NPL: variants seen among roughly 807,000 people sequenced by gnomAD.
NPL encodes the protein N-acetylneuraminate pyruvate lyase, also known as N-acetylneuraminate lyase.
A neutral mutation model predicts 41.1 loss-of-function variants in NPL; 32 were observed. The ratio of observed to expected loss-of-function variants is 0.78; its 90% CI spans 0.59 to 1.05. The LOEUF is 1.05. Ranked by LOEUF, NPL falls within the 50% of genes least tolerant of loss-of-function variation. The pLI, the probability that NPL is intolerant of heterozygous loss-of-function variation, is 0.00. For synonymous variants in NPL, 128 were observed against 134.9 expected, an observed-to-expected ratio of 0.95 and a Z score of 0.35; for missense variants, 321 against 378.4, an observed-to-expected ratio of 0.85 and a Z score of 1.26.
intron 6 of NPL, among the ~76,000 whole-genome samples, chr1:182,813,035 C>T (rs1374074331): frequency 6.6e-6 from 1 of 151,736 alleles, no homozygotes; most frequent in Non-Finnish European, 1.5e-5. Context: ...CGCCTATAAT[C>T]CCAGCTACTC....
chr1:182,793,538 A>C (rs755931402), intron 2 of NPL, among the ~76,000 whole-genome samples: 1 of 152,216 alleles, frequency 6.6e-6, no homozygotes, highest in Non-Finnish European at 1.5e-5. Flanking sequence ...CAGAGAGCAA[A>C]GGCAAATGAA....
At chr1:182,804,654 C>T (rs966206351) in intron 4 of NPL, among the ~76,000 whole-genome samples, 2 of 152,190 alleles carry the variant, frequency 1.3e-5, no homozygotes, top group African/African-American at 2.4e-5. Flanking sequence ...TCTGGGCTCT[C>T]GGACCCTTGG....
chr1:182,814,723 A>G, intron 6 of NPL, 60 bp from the exon 7 acceptor site: 1 of 1,339,572 alleles, frequency 7.5e-7, no homozygotes, highest in Non-Finnish European at 1.1e-6. Context: ...TTAGTATCTA[A>G]GCTATAGGTG....
In NPL at chr1:182,818,817, T is replaced by C. The variant is rs151106084; in HGVS notation, c.611T>C (p.Leu204Pro). ...ATATTTTTTGTTTCTGATTAGCAAC[T>C]GTTGAGTGCTCTGGTGATGGGAGCA... ...FAFLFGVDEQ[L>P]LSALVMGATG... is the part of the protein sequence containing the mutation. The change falls in exon 10 of 13, where the codon CTG (leucine) becomes CCG (proline). Residue 204 changes from leucine (L) to proline (P), a missense_variant. Coordinates refer to ENST00000367553, the MANE Select transcript of NPL (RefSeq NM_030769.3). 4 of 1,614,090 alleles carry C rather than the reference T, an allele frequency of 2.5e-6. No individual in the cohort carries two copies. In the Admixed American group the frequency reaches 5.0e-5, roughly 20 times the overall value.
At chr1:182,819,470 G>A (rs1031597328) in intron 10 of NPL, among the ~76,000 whole-genome samples, 4 of 151,776 alleles carry the variant, frequency 2.6e-5, no homozygotes, top group Admixed American at 1.3e-4. Context: ...AATTAGCCAG[G>A]CGTGGTGGCA....
intron 3 of NPL, 59 bp downstream of exon 3, chr1:182,794,498 G>A (rs1438347537): frequency 3.2e-6 from 5 of 1,538,504 alleles, no homozygotes; most frequent in Non-Finnish European, 4.5e-6. Context: ...AAGGAGAGAA[G>A]TTCTTTGTAA....
At chr1:182,815,967 A>G (rs907875627) in intron 7 of NPL, among the ~76,000 whole-genome samples, 5 of 152,278 alleles carry the variant, frequency 3.3e-5, no homozygotes, top group Admixed American at 3.3e-4. Flanking sequence ...CCTAAAAGGA[A>G]AAATAATGAA....
chr1:182,805,249 G>T (rs1666971811), intron 4 of NPL, among the ~76,000 whole-genome samples: 1 of 151,620 alleles, frequency 6.6e-6, no homozygotes, highest in South Asian at 2.1e-4. Context: ...GCCCAACATG[G>T]CAAAACCCCA....
rs975249405 is a variant in NPL, at chr1:182,792,277, C to T, written c.-26C>T. 1 of 152,220 alleles carries T rather than the reference C, an allele frequency of 6.6e-6. No individual in the cohort carries two copies. Among genetic ancestry groups the T allele is most frequent in the Non-Finnish European group, 1.5e-5 (1 of 68,060 alleles). The allele number at this position is 152,220 out of a possible 1,614,324, so 9.4% of individuals were successfully genotyped here. On this transcript the variant is annotated 5_prime_UTR_variant, in exon 2 of 13. Transcript: ENST00000367553. ...AGAGGTTACTTAATGGGCTCAAGGTCACCTACCTGGTAAGTGGTGGAGCCA... is the reference window on the plus strand; with the variant it reads ...AGAGGTTACTTAATGGGCTCAAGGTTACCTACCTGGTAAGTGGTGGAGCCA...
Position 182,794,384 on chromosome 1 carries a change from A to G in NPL, c.13A>G (p.Lys5Glu), listed in dbSNP as rs375243632. The G allele has an allele frequency of 2.0e-5, 32 of 1,614,082 alleles. No individual in the cohort carries two copies. The highest frequency in any genetic ancestry group is 5.0e-5 in the Admixed American group (3 of 60,004). Reference sequence around the variant, plus strand: ...TACCAGCAGCTCAATGGCCTTCCCAAAGAAGAAACTTCAGGGTCTTGTGGC... The same window carrying G: ...TACCAGCAGCTCAATGGCCTTCCCAGAGAAGAAACTTCAGGGTCTTGTGGC... MAFP[K>E]KKLQGLVAAT... The change falls in exon 3 of 13, where the codon AAG becomes GAG. Residue 5 changes from lysine to glutamate, a missense_variant. By Grantham distance (56) the Lys-to-Glu change is moderately conservative. Transcript: ENST00000367553.
At chr1:182,809,539 TA>T (rs35178861) in intron 5 of NPL, among the ~76,000 whole-genome samples, 2,305 of 125,450 alleles carry the variant, frequency 0.018, 33 homozygotes, top group African/African-American at 0.04. Flanking sequence ...GACTCCATCT[TA>T]AAAAAAAAAA....
At chr1:182,815,943 A>G (rs920665794) in intron 7 of NPL, among the ~76,000 whole-genome samples, 1 of 152,240 alleles carries the variant, frequency 6.6e-6, no homozygotes, top group African/African-American at 2.4e-5. Flanking sequence ...ACAAATTTTT[A>G]CGTGAATATG....
Position 182,822,129 on chromosome 1 carries a change from T to G in NPL, c.668T>G (p.Leu223Arg), listed in dbSNP as rs765709899. 16 of 1,612,292 alleles carry G rather than the reference T, an allele frequency of 9.9e-6. 1 individual carries two copies. In the South Asian group the frequency reaches 1.8e-4, roughly 18 times the overall value. Residue 223 changes from leucine to arginine, a missense_variant, in exon 11 of 13, where the codon CTG becomes CGG. By Grantham distance (102) the Leu-to-Arg change is moderately radical (BLOSUM62 -2). Coordinates refer to ENST00000367553, the MANE Select transcript of NPL (RefSeq NM_030769.3). The part of the protein sequence containing the change: ...TGAVGSTYNY[L>R]GKKTNQMLEA... Reference sequence around the variant, plus strand: ...TGTCTTGCCAGTACCTATAACTACCTGGGAAAAAAGACAAACCAGATGTTG... The same window carrying G: ...TGTCTTGCCAGTACCTATAACTACCGGGGAAAAAAGACAAACCAGATGTTG...
intron 7 of NPL, 121 bp downstream of exon 7, chr1:182,814,979 A>C (rs984291505): frequency 5.2e-6 from 4 of 766,994 alleles, no homozygotes; most frequent in African/African-American, 3.4e-5. Flanking sequence ...TTGAAGTCGC[A>C]ATGGTACAGT....
At position 182,822,179 on chromosome 1, in the gene NPL, T is replaced by C; in HGVS notation, c.718T>C (p.Ser240Pro). ...GGAGGCTTTTGAACAAAAGGACTTC[T>C]CTTTAGCCCTGAACTATCAGGTAAA... is the stretch of plus-strand genomic sequence containing the variant. ...MLEAFEQKDFSLALNYQFCIQ... is the reference protein window; with the variant it reads ...MLEAFEQKDFPLALNYQFCIQ... Residue 240 changes from serine (S) to proline (P), a missense_variant, in exon 11 of 13, where the codon TCT becomes CCT. By Grantham distance (74) the Ser-to-Pro change is moderately conservative. Coordinates refer to ENST00000367553, the MANE Select transcript of NPL (RefSeq NM_030769.3). The C allele has an allele frequency of 8.7e-6, 14 of 1,612,592 alleles. No individual in the cohort carries two copies. Among genetic ancestry groups the C allele is most frequent in the South Asian group, 1.1e-5 (1 of 91,056 alleles).
At chr1:182,809,158 GT>G in intron 5 of NPL, 4 of 417,430 alleles carry the variant, frequency 9.6e-6, no homozygotes, top group South Asian at 7.0e-5. Context: ...GTCAGGGAGT[GT>G]AATGATGCTT....
At chr1:182,803,531 G>GC (rs199544449) in intron 3 of NPL, among the ~76,000 whole-genome samples, 167 bp from the exon 4 acceptor site, 5,016 of 149,596 alleles carry the variant, frequency 0.034, 262 homozygotes, top group African/African-American at 0.12. Context: ...ACCAGATTCA[G>GC]GGGGGGAAAA....
intron 5 of NPL, 32 bp from the exon 6 acceptor site, chr1:182,812,124 T>C: frequency 6.2e-7 from 1 of 1,612,550 alleles, no homozygotes; most frequent in Non-Finnish European, 8.5e-7. Context: ...CTCTAAACTC[T>C]AAGCGATGCA....
At chr1:182,795,551 G>A (rs1238907246) in intron 3 of NPL, among the ~76,000 whole-genome samples, 1 of 152,112 alleles carries the variant, frequency 6.6e-6, no homozygotes, top group South Asian at 2.1e-4. Context: ...CTCCTTCAAA[G>A]TTGGCCATTT....
Sources: allele counts gnomAD v4.1 joint callset (sites outside exome capture counted in the v4.1 genomes callset), GRCh38; gene constraint gnomAD v4.1.1; transcripts MANE v1.5; gene names NCBI Gene and HGNC (gene_info 2026-07-23, HGNC 2026-07-21).